The following ARHGAP15 variants were observed in gnomAD, a reference collection of about 807,000 sequenced individuals.
The protein encoded by ARHGAP15 is rho GTPase-activating protein 15.
In ARHGAP15, 51 loss-of-function variants were observed where a neutral mutation model predicts 63.7. The ratio of observed to expected loss-of-function variants is 0.80; its 90% confidence interval spans 0.64 to 1.01. The LOEUF (loss-of-function observed/expected upper bound fraction) is 1.01, where lower values mean the gene tolerates loss of function less well. ARHGAP15 is among the 50% of genes least tolerant of loss of function. The pLI, the probability that ARHGAP15 is intolerant of heterozygous loss-of-function variation, is 0.00. For synonymous variants in ARHGAP15, 191 were observed against 193.8 expected (o/e 0.99, Z 0.12); for missense variants, 560 against 564.6 (o/e 0.99, Z 0.08).
At chr2:143,513,958 G>A (rs921146970) in intron 9 of ARHGAP15, among the ~76,000 whole-genome samples, 1 of 152,198 alleles carries the variant, frequency 6.6e-6, no homozygotes, top group Non-Finnish European at 1.5e-5. Context: ...TCTGTAAAAT[G>A]AAGATGATGA....
chr2:143,291,026 A>C (rs1174627820), intron 6 of ARHGAP15, among the ~76,000 whole-genome samples: 1 of 152,152 alleles, frequency 6.6e-6, no homozygotes, highest in African/African-American at 2.4e-5. Context: ...GAGGATACAC[A>C]GTACTGTTCT....
intron 6 of ARHGAP15, among the ~76,000 whole-genome samples, chr2:143,349,898 A>T (rs1433199360): frequency 2.0e-5 from 3 of 152,172 alleles, no homozygotes; most frequent in Non-Finnish European, 2.9e-5. Flanking sequence ...ATGCATATGG[A>T]TGATAAGATA....
intron 2 of ARHGAP15, among the ~76,000 whole-genome samples, chr2:143,165,915 G>A (rs536493861): frequency 2.7e-5 from 3 of 110,640 alleles, no homozygotes; most frequent in Middle Eastern, 4.6e-3. Flanking sequence ...TAACCTCCAT[G>A]CCTTTAACGT....
At chr2:143,183,737 A>T (rs1315159265) in intron 2 of ARHGAP15, among the ~76,000 whole-genome samples, 7 of 129,706 alleles carry the variant, frequency 5.4e-5, no homozygotes, top group East Asian at 4.6e-4. Context: ...TTTTTTTTTT[A>T]AAGCTAAAGA....
intron 6 of ARHGAP15, among the ~76,000 whole-genome samples, chr2:143,373,629 C>CAAAAAAAAAAAAAA (rs58153000): frequency 1.6e-5 from 1 of 62,954 alleles, no homozygotes; most frequent in Non-Finnish European, 3.1e-5. Context: ...GACTCTATCT[C>CAAAAAAAAAAAAAA]AAAAAAAAAA....
chr2:143,709,203 G>C (rs557776219), intron 13 of ARHGAP15, among the ~76,000 whole-genome samples: 1 of 152,266 alleles, frequency 6.6e-6, no homozygotes, highest in African/African-American at 2.4e-5. Flanking sequence ...TAGTTGACCA[G>C]ATTTCCTTTG....
chr2:143,372,883 C>T (rs570696293), intron 6 of ARHGAP15, among the ~76,000 whole-genome samples: 1 of 151,658 alleles, frequency 6.6e-6, no homozygotes, highest in East Asian at 1.9e-4. Context: ...GTATGTGCAC[C>T]TCATTTCACT....
At chr2:143,705,337 T>C (rs926142549) in intron 13 of ARHGAP15, among the ~76,000 whole-genome samples, 3 of 152,084 alleles carry the variant, frequency 2.0e-5, no homozygotes, top group African/African-American at 7.2e-5. Context: ...TCCAATGTGG[T>C]TTAGTGAAAG....
intron 6 of ARHGAP15, among the ~76,000 whole-genome samples, chr2:143,366,650 CTA>C (rs1349657714): frequency 3.9e-5 from 6 of 151,920 alleles, no homozygotes; most frequent in Non-Finnish European, 5.9e-5. Context: ...CTATAAAAAT[CTA>C]TATGTTTCAG....
chr2:143,440,933 A>G (rs1284904331), intron 8 of ARHGAP15, among the ~76,000 whole-genome samples: 2 of 152,200 alleles, frequency 1.3e-5, no homozygotes, highest in Non-Finnish European at 2.9e-5. Context: ...AGGCCCAAAT[A>G]TAATAAATCT....
intron 13 of ARHGAP15, among the ~76,000 whole-genome samples, chr2:143,719,084 G>A (rs373679407): frequency 1.3e-5 from 2 of 152,164 alleles, no homozygotes; most frequent in Non-Finnish European, 2.9e-5. Flanking sequence ...AGTAGAACAC[G>A]TTGGGACAGA....
chr2:143,626,316 A>G (rs1574727068), intron 12 of ARHGAP15, among the ~76,000 whole-genome samples: 1 of 135,488 alleles, frequency 7.4e-6, no homozygotes, highest in East Asian at 4.2e-4. Flanking sequence ...TTTGGAAGAG[A>G]AGAGAGAGGA....
chr2:143,179,637 C>T (rs1691149172), intron 2 of ARHGAP15, among the ~76,000 whole-genome samples: 1 of 152,116 alleles, frequency 6.6e-6, no homozygotes, highest in Non-Finnish European at 1.5e-5. Context: ...TCTGTAATCC[C>T]AACACTTTGG....
intron 5 of ARHGAP15, among the ~76,000 whole-genome samples, chr2:143,229,951 C>T (rs1329130993): frequency 6.6e-6 from 1 of 152,020 alleles, no homozygotes; most frequent in Non-Finnish European, 1.5e-5. Context: ...TATCTCAGTC[C>T]TTTGTATTTT....
intron 13 of ARHGAP15, among the ~76,000 whole-genome samples, chr2:143,740,739 C>T (rs1244175433): frequency 6.6e-6 from 1 of 152,068 alleles, no homozygotes; most frequent in Non-Finnish European, 1.5e-5. Context: ...TAGCACAGAG[C>T]TATTTAGTGC....
chr2:143,470,489 A>AT (rs1430781878), intron 8 of ARHGAP15, among the ~76,000 whole-genome samples: 2 of 150,602 alleles, frequency 1.3e-5, no homozygotes, highest in African/African-American at 4.9e-5. Flanking sequence ...AAGAGTTTTC[A>AT]TTTTTCTAAA....
chr2:143,569,448 A>G (rs116044873), intron 11 of ARHGAP15, among the ~76,000 whole-genome samples: 2,103 of 152,222 alleles, frequency 0.014, 36 homozygotes, highest in African/African-American at 0.048. Flanking sequence ...GGTCTCTTTG[A>G]GGAGGAGACA....
chr2:143,544,387 A>T (rs1015684365), intron 10 of ARHGAP15, among the ~76,000 whole-genome samples: 3 of 152,208 alleles, frequency 2.0e-5, no homozygotes, highest in African/African-American at 7.2e-5. Flanking sequence ...AGTATATATT[A>T]TCAAATAATT....
intron 6 of ARHGAP15, among the ~76,000 whole-genome samples, chr2:143,375,780 G>A (rs924782990): frequency 3.5e-4 from 53 of 152,306 alleles, no homozygotes; most frequent in African/African-American, 1.1e-3. Context: ...CAACACTATG[G>A]CTCTAAAGAG....
Sources: allele counts gnomAD v4.1 joint callset (sites outside exome capture counted in the v4.1 genomes callset), GRCh38; gene constraint gnomAD v4.1.1; transcripts MANE v1.5; gene names NCBI Gene and HGNC (gene_info 2026-07-23, HGNC 2026-07-21).